Variants in MACROD2 observed in about 807,000 individuals in gnomAD.
MACROD2 encodes the protein ADP-ribose glycohydrolase MACROD2.
Under a neutral mutation model 70.4 loss-of-function variants are expected in MACROD2, and 36 were observed. The ratio of observed to expected loss-of-function variants is 0.51; its 90% confidence interval spans 0.39 to 0.68. The LOEUF is 0.68. Among genes scored for constraint, MACROD2 ranks in the 30% least tolerant of loss-of-function variants. The probability of loss-of-function intolerance (pLI) is 0.00; values close to 1 mark genes in which losing one functional copy is unlikely to be tolerated. For missense variants in MACROD2, 496 were observed against 538.4 expected (o/e 0.92, Z 0.78); for synonymous variants, 172 against 178.8 (o/e 0.96, Z 0.30).
intron 3 of MACROD2, among the ~76,000 whole-genome samples, chr20:14,374,635 C>T (rs117262280): frequency 5.1e-4 from 77 of 152,230 alleles, no homozygotes; most frequent in Non-Finnish European, 9.4e-4. Context: ...GCTGTGGCAT[C>T]AGCAATAATA....
At chr20:15,281,128 TG>T (rs879846111) in intron 6 of MACROD2, among the ~76,000 whole-genome samples, 2 of 152,150 alleles carry the variant, frequency 1.3e-5, no homozygotes, top group Non-Finnish European at 2.9e-5. Flanking sequence ...AAGAACAGTG[TG>T]GGGGAACTGC....
chr20:14,220,925 T>C (rs973820529), intron 3 of MACROD2, among the ~76,000 whole-genome samples: 2 of 152,092 alleles, frequency 1.3e-5, no homozygotes, highest in African/African-American at 4.8e-5. Context: ...GGTCTGTGGG[T>C]CCTCTCAGGA....
intron 3 of MACROD2, among the ~76,000 whole-genome samples, chr20:14,371,239 C>G (rs1289788377): frequency 1.3e-5 from 2 of 152,068 alleles, no homozygotes; most frequent in East Asian, 1.9e-4. Flanking sequence ...GATACCAGCT[C>G]TTTGGTAGGC....
intron 6 of MACROD2, among the ~76,000 whole-genome samples, chr20:15,279,614 T>A (rs1417097414): frequency 6.6e-6 from 1 of 152,204 alleles, no homozygotes; most frequent in Non-Finnish European, 1.5e-5. Flanking sequence ...CAATTCCCAA[T>A]CATGATAATA....
intron 4 of MACROD2, among the ~76,000 whole-genome samples, 195 bp from the exon 5 acceptor site, chr20:14,684,648 A>C (rs1183823584): frequency 0.018 from 2,359 of 133,954 alleles, no homozygotes; most frequent in Middle Eastern, 0.042. Flanking sequence ...ACATAACCTC[A>C]CCCCCCCCCC....
At chr20:14,919,356 C>T (rs946368272) in intron 5 of MACROD2, among the ~76,000 whole-genome samples, 2 of 152,168 alleles carry the variant, frequency 1.3e-5, no homozygotes, top group African/African-American at 2.4e-5. Flanking sequence ...TCCTGCCAGA[C>T]ATGTTTTCCC....
intron 4 of MACROD2, among the ~76,000 whole-genome samples, chr20:14,601,675 C>G (rs1280787342): frequency 2.0e-5 from 3 of 151,946 alleles, no homozygotes; most frequent in African/African-American, 7.3e-5. Flanking sequence ...GGAAGGGGCC[C>G]ACAGTGGCAA....
At chr20:14,815,677 C>G (rs944896058) in intron 5 of MACROD2, among the ~76,000 whole-genome samples, 15 of 152,144 alleles carry the variant, frequency 9.9e-5, no homozygotes, top group African/African-American at 3.4e-4. Context: ...ATGTAGCACT[C>G]AAGCACAAGC....
intron 3 of MACROD2, among the ~76,000 whole-genome samples, chr20:14,347,048 G>A (rs1215133475): frequency 6.6e-6 from 1 of 152,144 alleles, no homozygotes; most frequent in Non-Finnish European, 1.5e-5. Flanking sequence ...TGGGTGAGAA[G>A]GTCAGCAACA....
At chr20:14,752,691 G>A (rs1374316965) in intron 5 of MACROD2, among the ~76,000 whole-genome samples, 1 of 152,078 alleles carries the variant, frequency 6.6e-6, no homozygotes, top group Non-Finnish European at 1.5e-5. Flanking sequence ...ATGCCTGACA[G>A]ACCTATATGC....
At position 15,454,406 on chromosome 20, in the gene MACROD2, A is replaced by AACACACACACACAC. The variant is rs10523169; in HGVS notation, c.571+23006_571+23019dup. On this transcript the variant is annotated intron_variant, in intron 7 of 17. Coordinates refer to ENST00000684519, the MANE Select transcript of MACROD2 (RefSeq NM_001351661.2). ...ATATCCCTCTCATTTGACATATTCA[A>AACACACACACACAC]ACACACACACACACACACACACACA... 1.3e-3 allele frequency among the ~76,000 whole-genome samples: 177 copies of AACACACACACACAC among 137,528 alleles called. 3 individuals carry two copies. Among genetic ancestry groups the AACACACACACACAC allele is most frequent in the African/African-American group, 4.5e-3 (156 of 35,046 alleles). The allele number at this position is 137,528 out of a possible 152,430, so 90.2% of individuals were successfully genotyped here. A position where few individuals can be genotyped will look rare whatever the true frequency, so the allele number is the denominator to read the frequency against.
chr20:14,225,953 A>C lies in MACROD2; in HGVS notation c.271+140225A>C, dbSNP rs1424612625. On this transcript the variant is annotated intron_variant, in intron 3 of 17. Coordinates refer to ENST00000684519, the MANE Select transcript of MACROD2 (RefSeq NM_001351661.2). ...TGGCTGTAACTTCTTACTTCCCTGA[A>C]ACCACTCTAAGTCCTGATTTTCTTT... Among the ~76,000 whole-genome samples, 4 of 152,172 alleles carry C rather than the reference A, an allele frequency of 2.6e-5. 1 individual carries two copies. The highest frequency in any genetic ancestry group is 2.6e-4 in the Admixed American group (4 of 15,286).
At chr20:15,952,745 C>T (rs1408867284) in intron 12 of MACROD2, among the ~76,000 whole-genome samples, 3 of 152,102 alleles carry the variant, frequency 2.0e-5, no homozygotes, top group African/African-American at 7.2e-5. Context: ...TGAAGAGCTG[C>T]CCTGTATCTT....
chr20:14,039,417 C>T (rs1015062552), intron 2 of MACROD2, among the ~76,000 whole-genome samples: 7 of 152,106 alleles, frequency 4.6e-5, no homozygotes, highest in African/African-American at 1.7e-4. Context: ...AAAGGCACGT[C>T]TTGTTTTAAA....
intron 7 of MACROD2, among the ~76,000 whole-genome samples, chr20:15,453,956 A>G (rs55920771): frequency 0.017 from 2,559 of 152,214 alleles, 71 homozygotes; most frequent in African/African-American, 0.058. Flanking sequence ...ACCCAAAGCC[A>G]TGGGCTTTTT....
chr20:15,254,460 G>A (rs1385296486), intron 6 of MACROD2, among the ~76,000 whole-genome samples: 3 of 152,022 alleles, frequency 2.0e-5, no homozygotes, highest in African/African-American at 7.2e-5. Context: ...TTGGATTTAA[G>A]CTCCTCATTT....
intron 8 of MACROD2, among the ~76,000 whole-genome samples, chr20:15,596,515 C>T (rs1318824874): frequency 6.6e-6 from 1 of 152,198 alleles, no homozygotes; most frequent in Admixed American, 6.5e-5. Context: ...TGGTCAACTT[C>T]CTCCATAACA....
At position 15,230,075 on chromosome 20, in the gene MACROD2, T is replaced by A. The variant is rs371574688; in HGVS notation, c.540+14T>A. The A allele has an allele frequency of 6.8e-6, 11 of 1,610,020 alleles. No homozygotes were observed. Among genetic ancestry groups the A allele is most frequent in the African/African-American group, 1.3e-5 (1 of 74,780 alleles). On this transcript the variant is annotated intron_variant, in intron 6 of 17. Coordinates refer to ENST00000684519, the MANE Select transcript of MACROD2 (RefSeq NM_001351661.2). ...ATCCGATCAGTTGTAAGTAATTTTA[T>A]GTTTTTTATTTCTCACTCTTTTTCA... is the stretch of plus-strand genomic sequence containing the variant.
intron 3 of MACROD2, among the ~76,000 whole-genome samples, chr20:14,234,552 T>G (rs537051328): frequency 6.6e-6 from 1 of 152,344 alleles, no homozygotes; most frequent in African/African-American, 2.4e-5. Flanking sequence ...TTTAATAGTT[T>G]TAGATGATTT....
Sources: allele counts gnomAD v4.1 joint callset (sites outside exome capture counted in the v4.1 genomes callset), GRCh38; gene constraint gnomAD v4.1.1; transcripts MANE v1.5; gene names NCBI Gene and HGNC (gene_info 2026-07-23, HGNC 2026-07-21).